The following FOXO3 variants were observed in gnomAD, a reference collection of about 807,000 sequenced individuals.
FOXO3 encodes the protein forkhead box O3.
Under a neutral mutation model 41.9 loss-of-function variants are expected in FOXO3, and 4 were observed. The ratio of observed to expected loss-of-function variants is 0.10; its 90% confidence interval spans 0.05 to 0.22. The LOEUF (loss-of-function observed/expected upper bound fraction) is 0.22. Ranked by LOEUF, FOXO3 falls within the 10% of genes least tolerant of loss-of-function variation. The pLI, the probability that FOXO3 is intolerant of heterozygous loss-of-function variation, is 1.00. For synonymous variants in FOXO3, 318 were observed against 389.3 expected, an observed-to-expected ratio of 0.82 and a Z score of 2.16; for missense variants, 534 against 906.8, an observed-to-expected ratio of 0.59 and a Z score of 5.28.
intron 1 of FOXO3, among the ~76,000 whole-genome samples, chr6:108,626,620 T>TG (rs869046612): frequency 1.3e-5 from 2 of 151,432 alleles, no homozygotes; most frequent in Non-Finnish European, 2.9e-5. Context: ...TATATAGCTT[T>TG]TTTTTTTAAG....
intron 2 of FOXO3, among the ~76,000 whole-genome samples, chr6:108,678,192 G>C (rs1308770692): frequency 6.6e-6 from 1 of 152,230 alleles, no homozygotes; most frequent in East Asian, 1.9e-4. Flanking sequence ...TGAAGTTACA[G>C]TACACTCATG....
rs1182679423 is a variant in FOXO3 at position 108,561,641 on chromosome 6, G to A, written c.433G>A (p.Gly145Arg). 2.5e-6 allele frequency: 4 copies of A among 1,576,856 alleles called. No individual in the cohort carries two copies. Among genetic ancestry groups the A allele is most frequent in the African/African-American group, 1.4e-5 (1 of 73,606 alleles). ...PPQPGAAGGS[G>R]QPRKCSSRRN... ...GCAGCCGGGGGCGGCTGGGGGCTCC[G>A]GGCAGCCGAGGAAATGTTCGTCGCG... The change falls in exon 1 of 3, where the codon GGG becomes AGG. Residue 145 changes from glycine (G) to arginine (R), a missense_variant. Gly to Arg is a moderately radical substitution (Grantham distance 125). Transcript: ENST00000406360.
At chr6:108,575,414 T>C (rs1386005128) in intron 1 of FOXO3, among the ~76,000 whole-genome samples, 1 of 151,214 alleles carries the variant, frequency 6.6e-6, no homozygotes, top group Non-Finnish European at 1.5e-5. Flanking sequence ...AAAACCTCGA[T>C]GTAAATTATT....
At chr6:108,639,882 A>G (rs1778212248) in intron 1 of FOXO3, among the ~76,000 whole-genome samples, 1 of 152,202 alleles carries the variant, frequency 6.6e-6, no homozygotes, top group South Asian at 2.1e-4. Context: ...AAACTGAATC[A>G]ATTACTGTGA....
intron 1 of FOXO3, among the ~76,000 whole-genome samples, chr6:108,639,276 C>T (rs1778194064): frequency 6.6e-6 from 1 of 152,166 alleles, no homozygotes; most frequent in African/African-American, 2.4e-5. Flanking sequence ...TAATCTCTTT[C>T]CTGGACCTCT....
In FOXO3 at chr6:108,624,796, T is replaced by C. The variant is rs368725802; in HGVS notation, c.622-38659T>C. 1.2e-4 allele frequency among the ~76,000 whole-genome samples: 19 copies of C among 152,280 alleles called. 1 individual carries two copies. In the South Asian group the frequency reaches 3.9e-3, roughly 32 times the overall value. Reference sequence around the variant, plus strand: ...CATATAAATTTTTTTTGCAGTTGTTTAACTTTTTTTTTATAAAGAGTCTTG... The same window carrying C: ...CATATAAATTTTTTTTGCAGTTGTTCAACTTTTTTTTTATAAAGAGTCTTG... On this transcript the variant is annotated intron_variant, in intron 1 of 2. Coordinates refer to ENST00000406360, the MANE Select transcript of FOXO3 (RefSeq NM_001455.4).
chr6:108,655,201 C>T (rs999222641), intron 1 of FOXO3, among the ~76,000 whole-genome samples: 6 of 152,178 alleles, frequency 3.9e-5, no homozygotes, highest in African/African-American at 1.4e-4. Context: ...AGGTGACTGT[C>T]CCCAAGGCAG....
chr6:108,562,297 C>T (rs1211415597), intron 1 of FOXO3, among the ~76,000 whole-genome samples: 2 of 151,938 alleles, frequency 1.3e-5, no homozygotes, highest in African/African-American at 2.4e-5. Context: ...GAGCATGTTG[C>T]GTCGTCACTA....
chr6:108,606,350 T>G (rs1314592270), intron 1 of FOXO3, among the ~76,000 whole-genome samples: 2 of 152,208 alleles, frequency 1.3e-5, no homozygotes, highest in African/African-American at 4.8e-5. Flanking sequence ...CCAAGGGCGG[T>G]TTGTTGGCAA....
At position 108,680,751 on chromosome 6, in the gene FOXO3, G is replaced by GA. The variant is rs34312944; in HGVS notation, c.*973dup. The GA allele has an allele frequency of 0.67, 91,688 of 137,120 alleles. 32,014 individuals carry two copies. The highest frequency in any genetic ancestry group is 0.87 in the East Asian group (4,194 of 4,810). 8.5% of individuals were successfully genotyped at this position (137,120 alleles called of 1,614,324 possible). On this transcript the variant is annotated 3_prime_UTR_variant, in exon 3 of 3. Coordinates refer to ENST00000406360, the MANE Select transcript of FOXO3 (RefSeq NM_001455.4). ...GTTTAGTTTTAAGGAGAAAGAAAAG[G>GA]AAAAAAAAAAAAAACAAAAAAGTCC...
intron 1 of FOXO3, among the ~76,000 whole-genome samples, chr6:108,622,002 A>G (rs1464368164): frequency 6.6e-6 from 1 of 152,108 alleles, no homozygotes; most frequent in East Asian, 1.9e-4. Flanking sequence ...TAGTAATCCC[A>G]GTACTTTGTG....
chr6:108,575,271 C>T (rs1276197961), intron 1 of FOXO3, among the ~76,000 whole-genome samples: 2 of 151,684 alleles, frequency 1.3e-5, no homozygotes, highest in Non-Finnish European at 2.9e-5. Context: ...AAATTATCAG[C>T]ATAATTGCTT....
chr6:108,566,035 G>T (rs534888404), intron 1 of FOXO3, among the ~76,000 whole-genome samples: 2 of 152,116 alleles, frequency 1.3e-5, no homozygotes, highest in South Asian at 4.2e-4. Flanking sequence ...ATTTCCTTTG[G>T]CAATAGTGTC....
intron 1 of FOXO3, among the ~76,000 whole-genome samples, chr6:108,566,292 G>A (rs1775945056): frequency 6.6e-6 from 1 of 152,150 alleles, no homozygotes; most frequent in Non-Finnish European, 1.5e-5. Flanking sequence ...ATTTTTAGGA[G>A]ATTTTAGGAG....
chr6:108,660,273 A>G (rs1778804679), intron 1 of FOXO3, among the ~76,000 whole-genome samples: 1 of 152,182 alleles, frequency 6.6e-6, no homozygotes, highest in Non-Finnish European at 1.5e-5. Context: ...TATTGCATAG[A>G]GAAATTGTTT....
At chr6:108,634,557 G>A (rs914248972) in intron 1 of FOXO3, among the ~76,000 whole-genome samples, 7 of 152,048 alleles carry the variant, frequency 4.6e-5, no homozygotes, top group African/African-American at 7.2e-5. Flanking sequence ...TGTGTACTTG[G>A]GTCCTTCCTT....
chr6:108,574,557 A>C (rs963222169), intron 1 of FOXO3, among the ~76,000 whole-genome samples: 4 of 152,178 alleles, frequency 2.6e-5, no homozygotes, highest in Non-Finnish European at 4.4e-5. Context: ...AAAGATATTA[A>C]AATTATTTTG....
At chr6:108,619,025 C>T (rs1777595616) in intron 1 of FOXO3, among the ~76,000 whole-genome samples, 1 of 152,190 alleles carries the variant, frequency 6.6e-6, no homozygotes, top group Non-Finnish European at 1.5e-5. Flanking sequence ...TCACTGTTCT[C>T]AGAAATTAAG....
intron 1 of FOXO3, among the ~76,000 whole-genome samples, chr6:108,659,713 G>A (rs966833439): frequency 6.6e-6 from 1 of 152,162 alleles, no homozygotes; most frequent in South Asian, 2.1e-4. Flanking sequence ...ACACCCTGTG[G>A]TTATGGCCCT....
Sources: allele counts gnomAD v4.1 joint callset (sites outside exome capture counted in the v4.1 genomes callset), GRCh38; gene constraint gnomAD v4.1.1; transcripts MANE v1.5; gene names NCBI Gene and HGNC (gene_info 2026-07-23, HGNC 2026-07-21).